Variants in LRP1B observed in about 807,000 individuals in gnomAD.
LRP1B encodes low-density lipoprotein receptor-related protein 1B.
Under a neutral mutation model 556.6 loss-of-function variants are expected in LRP1B, and 217 were observed. The observed-to-expected ratio is 0.39, with a 90% CI of 0.35 to 0.44. LRP1B has a LOEUF of 0.44. Ranked by LOEUF, LRP1B falls within the 20% of genes least tolerant of loss-of-function variation. The pLI is 1.00. For synonymous variants in LRP1B, 2,047 were observed against 1,865.8 expected, an observed-to-expected ratio of 1.10 and a Z score of -2.50; for missense variants, 5,053 against 5,620.8, an observed-to-expected ratio of 0.90 and a Z score of 3.23.
intron 62 of LRP1B, among the ~76,000 whole-genome samples, chr2:140,452,096 C>T (rs766914443): frequency 1.8e-4 from 28 of 152,200 alleles, no homozygotes; most frequent in Admixed American, 3.3e-4. Context: ...TGACTTGATA[C>T]TGGAGACAAA....
chr2:140,386,988 T>C (rs1683786691), intron 66 of LRP1B, among the ~76,000 whole-genome samples: 1 of 152,204 alleles, frequency 6.6e-6, no homozygotes, highest in African/African-American at 2.4e-5. Flanking sequence ...TGGCTGGCAA[T>C]AATATTGCCT....
At chr2:140,264,704 G>GTGTGTGTGTA (rs1682113727) in intron 86 of LRP1B, among the ~76,000 whole-genome samples, 1 of 1,570 alleles carries the variant, frequency 6.4e-4, no homozygotes, top group East Asian at 8.6e-3. Context: ...GTCTATATAT[G>GTGTGTGTGTA]TGTGTGTGTG....
intron 35 of LRP1B, among the ~76,000 whole-genome samples, chr2:140,759,336 C>G (rs546508283): frequency 4.3e-4 from 66 of 152,196 alleles, no homozygotes; most frequent in African/African-American, 1.5e-3. Flanking sequence ...TTTGAATAAT[C>G]TAGTCTAGAA....
chr2:140,881,785 A>C (rs1489794634), intron 25 of LRP1B, among the ~76,000 whole-genome samples: 2 of 152,170 alleles, frequency 1.3e-5, no homozygotes, highest in Non-Finnish European at 1.5e-5. Flanking sequence ...TTTCTGTATT[A>C]ACTTTCAACT....
At chr2:141,306,085 G>A (rs976622269) in intron 3 of LRP1B, among the ~76,000 whole-genome samples, 14 of 152,134 alleles carry the variant, frequency 9.2e-5, no homozygotes, top group Non-Finnish European at 1.6e-4. Context: ...TTGGTATCAG[G>A]GTAGTGCTAG....
chr2:140,283,706 TAAC>T (rs1405481431), intron 84 of LRP1B, among the ~76,000 whole-genome samples: 5 of 151,860 alleles, frequency 3.3e-5, no homozygotes, highest in East Asian at 3.9e-4. Flanking sequence ...AAATGCATAT[TAAC>T]AATGATGGCA....
intron 11 of LRP1B, among the ~76,000 whole-genome samples, chr2:141,021,493 T>C (rs1698062493): frequency 6.6e-6 from 1 of 152,054 alleles, no homozygotes; most frequent in African/African-American, 2.4e-5. Context: ...TAATTTTGCC[T>C]TCACTTATTG....
At chr2:140,744,637 C>A (rs189674693) in intron 35 of LRP1B, among the ~76,000 whole-genome samples, 222 of 152,282 alleles carry the variant, frequency 1.5e-3, no homozygotes, top group Non-Finnish European at 2.6e-3. Flanking sequence ...CTCACTTTTT[C>A]CTTTATTCAA....
At chr2:140,653,446 T>C (rs144514319) in intron 41 of LRP1B, among the ~76,000 whole-genome samples, 3 of 151,708 alleles carry the variant, frequency 2.0e-5, no homozygotes, top group African/African-American at 7.3e-5. Flanking sequence ...GAAAGTTGTA[T>C]GAAAAAGGAA....
At chr2:142,100,960 G>C (rs991769766) in intron 1 of LRP1B, among the ~76,000 whole-genome samples, 8 of 151,974 alleles carry the variant, frequency 5.3e-5, no homozygotes, top group Non-Finnish European at 7.4e-5. Context: ...AAAAGAAAGA[G>C]AAAGGAAGAG....
At chr2:141,443,378 G>A (rs1322806335) in intron 3 of LRP1B, among the ~76,000 whole-genome samples, 2 of 152,130 alleles carry the variant, frequency 1.3e-5, no homozygotes, top group Non-Finnish European at 2.9e-5. Flanking sequence ...CATTCTGCAG[G>A]TTGCCTGTTC....
intron 43 of LRP1B, among the ~76,000 whole-genome samples, chr2:140,554,800 T>C (rs1295171234): frequency 6.6e-6 from 1 of 151,790 alleles, no homozygotes; most frequent in African/African-American, 2.4e-5. Context: ...AACATTTTCT[T>C]CTGCTGTATG....
chr2:141,246,400 C>A (rs1440407328), intron 5 of LRP1B, among the ~76,000 whole-genome samples: 1 of 152,186 alleles, frequency 6.6e-6, no homozygotes, highest in Non-Finnish European at 1.5e-5. Flanking sequence ...GAAATGATAC[C>A]AGGCCATTAG....
intron 11 of LRP1B, among the ~76,000 whole-genome samples, chr2:141,035,352 C>T (rs1418621935): frequency 6.0e-5 from 9 of 150,312 alleles, no homozygotes; most frequent in Non-Finnish European, 8.9e-5. Context: ...ACTTGAAGTA[C>T]AATAATAATA....
intron 1 of LRP1B, among the ~76,000 whole-genome samples, chr2:141,997,144 GA>G (rs1702514570): frequency 1.3e-5 from 2 of 151,986 alleles, no homozygotes. Flanking sequence ...AGGCCAAACT[GA>G]AAGGGCAATG....
chr2:140,347,421 C>T (rs1279595893), intron 77 of LRP1B, among the ~76,000 whole-genome samples: 1 of 151,276 alleles, frequency 6.6e-6, no homozygotes, highest in Non-Finnish European at 1.5e-5. Flanking sequence ...AGTATTCTAA[C>T]CATTTTCATA....
intron 6 of LRP1B, among the ~76,000 whole-genome samples, chr2:141,218,464 G>T (rs1236816883): frequency 6.6e-6 from 1 of 152,122 alleles, no homozygotes. Flanking sequence ...ATAAAAGGAT[G>T]AAATCATGTC....
Position 141,956,879 on chromosome 2 carries a change from G to T in LRP1B, c.83-146478C>A, listed in dbSNP as rs552157866. On this transcript the variant is annotated intron_variant, in intron 1 of 90. Transcript: ENST00000389484. ...CAAAAGCAGAATTCTATTTAGAATA[G>T]AATTATTTCTCCAAATGCAGAAAGT... 3.3e-5 allele frequency among the ~76,000 whole-genome samples: 5 copies of T among 152,078 alleles called. 1 individual carries two copies. In the East Asian group the frequency reaches 9.7e-4, roughly 30 times the overall value.
intron 35 of LRP1B, among the ~76,000 whole-genome samples, chr2:140,746,011 T>G (rs1025059970): frequency 6.7e-6 from 1 of 149,200 alleles, no homozygotes; most frequent in Non-Finnish European, 1.5e-5. Context: ...GTAACCTCTC[T>G]GAGCCTGGGT....
Sources: gnomAD v4.1 joint callset for allele counts (sites outside exome capture counted in the v4.1 genomes callset) on GRCh38, gnomAD v4.1.1 for gene constraint, MANE v1.5 for transcripts, NCBI Gene and HGNC (gene_info 2026-07-23, HGNC 2026-07-21) for gene names.